EPS15L1: variants seen among roughly 807,000 people sequenced by gnomAD.
The protein encoded by EPS15L1 is epidermal growth factor receptor pathway substrate 15 like 1.
In EPS15L1, 43 loss-of-function variants were observed where a neutral mutation model predicts 117.1. The ratio of observed to expected loss-of-function variants is 0.37; its 90% confidence interval spans 0.29 to 0.47. The LOEUF (loss-of-function observed/expected upper bound fraction) is 0.47. Ranked by LOEUF, EPS15L1 falls within the 20% of genes least tolerant of loss-of-function variation. The pLI, the probability that EPS15L1 is intolerant of heterozygous loss-of-function variation, is 0.99. For missense variants in EPS15L1, 981 were observed against 1,164.0 expected (o/e 0.84, Z 2.29); for synonymous variants, 459 against 470.5 (o/e 0.98, Z 0.32).
At chr19:16,401,531 G>A (rs1245212763) in intron 16 of EPS15L1, 15 of 985,588 alleles carry the variant, frequency 1.5e-5, no homozygotes, top group Admixed American at 1.2e-4. Flanking sequence ...AGACATGCGC[G>A]GCCCGGCCCA....
intron 16 of EPS15L1, 94 bp downstream of exon 16, chr19:16,402,227 A>T: frequency 6.7e-6 from 10 of 1,484,840 alleles, no homozygotes; most frequent in Non-Finnish European, 9.0e-6. Flanking sequence ...GCTGGAACCA[A>T]CGTTGGCCAT....
chr19:16,367,655 C>A (rs1287177158), intron 22 of EPS15L1, among the ~76,000 whole-genome samples: 1 of 150,070 alleles, frequency 6.7e-6, no homozygotes, highest in Non-Finnish European at 1.5e-5. Context: ...GCTGCACTAG[C>A]GTTCTTGGTC....
Position 16,442,209 on chromosome 19 carries a change from C to T in EPS15L1, c.44G>A (p.Gly15Glu), listed in dbSNP as rs764537875. Residue 15 changes from glycine to glutamate, a missense_variant, in exon 2 of 24, where the codon GGA (glycine) becomes GAA (glutamate). Physicochemically the swap from Gly to Glu is moderately conservative, Grantham distance 98 (BLOSUM62 -2). Around this residue, in one of 5 missense-constraint regions of EPS15L1, gnomAD observed 37 missense variants for 21.2 expected, o/e 1.75. Coordinates refer to ENST00000455140, the MANE Select transcript of EPS15L1 (RefSeq NM_001258374.3). ...GTAATAAGATTCATACAACGAATTTCCAGTGGGAATCTGTAAATGAAACCA... is the reference window on the plus strand; with the variant it reads ...GTAATAAGATTCATACAACGAATTTTCAGTGGGAATCTGTAAATGAAACCA... ...LIPLSQQIPT[G>E]NSLYESYYKQ... is the part of the protein sequence containing the mutation. 6.2e-7 allele frequency: 1 copy of T among 1,613,540 alleles called. No individual in the cohort carries two copies. The highest frequency in any genetic ancestry group is 1.7e-5 in the Admixed American group (1 of 60,004).
intron 13 of EPS15L1, chr19:16,413,316 CCT>C: frequency 1.5e-6 from 1 of 675,698 alleles, no homozygotes; most frequent in Non-Finnish European, 2.7e-6. Flanking sequence ...TGTCTCAGCA[CCT>C]GTGTCCAAGA....
chr19:16,379,920 C>T (rs2144715684), intron 21 of EPS15L1, among the ~76,000 whole-genome samples: 1 of 152,298 alleles, frequency 6.6e-6, no homozygotes, highest in South Asian at 2.1e-4. Context: ...CCTAGTCACA[C>T]AGACACGGCC....
intron 8 of EPS15L1, among the ~76,000 whole-genome samples, chr19:16,428,349 G>A (rs2092894044): frequency 6.6e-6 from 1 of 151,092 alleles, no homozygotes; most frequent in Non-Finnish European, 1.5e-5. Context: ...ATGCCAGCCT[G>A]GCGATAGAGT....
chr19:16,395,369 T>G lies in EPS15L1; in HGVS notation c.1890A>C (p.Pro630=). 1 of 1,614,032 alleles carries G rather than the reference T, an allele frequency of 6.2e-7. No individual in the cohort carries two copies. The highest frequency in any genetic ancestry group is 1.1e-5 in the South Asian group (1 of 91,082). The change falls in exon 17 of 24, where the codon CCA becomes CCC. Residue 630 remains proline (P), a synonymous_variant. Coordinates refer to ENST00000455140, the MANE Select transcript of EPS15L1 (RefSeq NM_001258374.3). ...CTTTGAAGGGGTCAGCTCCTTTAAATGGGTCAGATTTGAAGGGGTCTTCTG... is the reference window on the plus strand; with the variant it reads ...CTTTGAAGGGGTCAGCTCCTTTAAAGGGGTCAGATTTGAAGGGGTCTTCTG... ...FQTEDPFKSD[P]FKGADPFKGD...
At chr19:16,393,837 C>T (rs1284921058) in intron 18 of EPS15L1, 114 bp downstream of exon 18, 13 of 1,082,212 alleles carry the variant, frequency 1.2e-5, no homozygotes, top group Non-Finnish European at 1.9e-5. Flanking sequence ...GCCGTCCTTC[C>T]CAGTTACATG....
intron 12 of EPS15L1, among the ~76,000 whole-genome samples, chr19:16,414,975 T>C (rs989533939): frequency 6.6e-6 from 1 of 152,126 alleles, no homozygotes; most frequent in Non-Finnish European, 1.5e-5. Flanking sequence ...CCAAAGCACT[T>C]GGATTACAGT....
chr19:16,425,349 G>A (rs374098048), intron 8 of EPS15L1, 33 bp from the exon 9 acceptor site: 254 of 1,458,664 alleles, frequency 1.7e-4, no homozygotes, highest in Non-Finnish European at 2.3e-4. Flanking sequence ...CACTGAAGGG[G>A]CAAGGCTGGG....
rs563275932 is a variant in EPS15L1 at position 16,439,462 on chromosome 19, T to G, written c.213+1400A>C. On this transcript the variant is annotated intron_variant, in intron 4 of 23. Transcript: ENST00000455140. ...ATCCCAGCACTTAGGGAGGCCAAGA[T>G]GGGAGGATTGCTTGAGCACAGGAGT... 1.6e-4 allele frequency among the ~76,000 whole-genome samples: 25 copies of G among 151,936 alleles called. No individual in the cohort carries two copies. In the South Asian group the frequency reaches 5.2e-3, roughly 32 times the overall value.
In EPS15L1 at chr19:16,386,194, G is replaced by A. The variant is rs751407853; in HGVS notation, c.2141C>T (p.Ser714Phe). Residue 714 changes from serine to phenylalanine, a missense_variant, in exon 20 of 24, where the codon TCC (serine) becomes TTC (phenylalanine). Coordinates refer to ENST00000455140, the MANE Select transcript of EPS15L1 (RefSeq NM_001258374.3). Reference protein sequence around the residue: ...PFESSDPFSSSSVSSKGSDPF... With the variant: ...PFESSDPFSSFSVSSKGSDPF... Reference sequence around the variant, plus strand: ...ACCTGATCCTTTTGAGGAGACACTGGAGGATGAAAAGGGATCACTGGATTC... The same window carrying A: ...ACCTGATCCTTTTGAGGAGACACTGAAGGATGAAAAGGGATCACTGGATTC... 1.2e-6 allele frequency: 2 copies of A among 1,612,830 alleles called. No individual in the cohort carries two copies. The highest frequency in any genetic ancestry group is 1.1e-5 in the South Asian group (1 of 90,958).
chr19:16,411,018 A>C (rs904960352), intron 13 of EPS15L1, among the ~76,000 whole-genome samples: 8 of 152,226 alleles, frequency 5.3e-5, no homozygotes, highest in African/African-American at 1.9e-4. Context: ...CAAAAACATG[A>C]TGCTGAGTGG....
intron 1 of EPS15L1, among the ~76,000 whole-genome samples, chr19:16,463,824 G>A (rs1238551628): frequency 6.6e-6 from 1 of 152,210 alleles, no homozygotes; most frequent in Admixed American, 6.5e-5. Flanking sequence ...GCTTCCCTGA[G>A]GAAGTGATGC....
chr19:16,448,615 A>G (rs2093109775), intron 1 of EPS15L1, among the ~76,000 whole-genome samples: 2 of 151,144 alleles, frequency 1.3e-5, no homozygotes, highest in South Asian at 2.1e-4. Context: ...AGGCCAAGGT[A>G]GGCGGATCAC....
At chr19:16,428,088 C>T (rs2092890365) in intron 8 of EPS15L1, among the ~76,000 whole-genome samples, 1 of 150,456 alleles carries the variant, frequency 6.6e-6, no homozygotes, top group African/African-American at 2.5e-5. Context: ...GTAATCCCAG[C>T]TACTTGGGAG....
chr19:16,449,252 A>T (rs979578721), intron 1 of EPS15L1, among the ~76,000 whole-genome samples: 3 of 110,060 alleles, frequency 2.7e-5, no homozygotes, highest in African/African-American at 1.2e-4. Flanking sequence ...CTTAAAAAAC[A>T]AACAAACAAA....
At chr19:16,384,455 A>G (rs2092397932) in intron 21 of EPS15L1, among the ~76,000 whole-genome samples, 2 of 152,070 alleles carry the variant, frequency 1.3e-5, no homozygotes, top group African/African-American at 4.8e-5. Flanking sequence ...TGACTTGTCC[A>G]TTCTGGATGT....
At chr19:16,440,821 T>C (rs1471255101) in intron 4 of EPS15L1, 41 bp downstream of exon 4, 7 of 1,590,824 alleles carry the variant, frequency 4.4e-6, no homozygotes, top group South Asian at 1.1e-5. Context: ...CTGGGGGCTC[T>C]GCCCAGCCCC....
Sources: gnomAD v4.1 joint callset for allele counts (sites outside exome capture counted in the v4.1 genomes callset) on GRCh38, gnomAD v4.1.1 for gene constraint, gnomAD v4.1.1 regional missense constraint, MANE v1.5 for transcripts, NCBI Gene and HGNC (gene_info 2026-07-23, HGNC 2026-07-21) for gene names.